The following CACNA2D1 variants were observed in gnomAD, a reference collection of about 807,000 sequenced individuals.
CACNA2D1 encodes the protein calcium voltage-gated channel auxiliary subunit alpha2delta 1, also known as voltage-dependent calcium channel subunit alpha-2/delta-1.
Under a neutral mutation model 171.5 loss-of-function variants are expected in CACNA2D1, and 53 were observed. That is an observed-to-expected ratio of 0.31 (90% confidence interval 0.25 to 0.39). CACNA2D1 has a LOEUF of 0.39. Ranked by LOEUF, CACNA2D1 falls within the 10% of genes least tolerant of loss-of-function variation. CACNA2D1 has a pLI of 1.00. For synonymous variants in CACNA2D1, 442 were observed against 443.1 expected (o/e 1.00, Z 0.03); for missense variants, 903 against 1,299.8 (o/e 0.69, Z 4.69).
intron 36 of CACNA2D1, among the ~76,000 whole-genome samples, chr7:81,961,410 TCA>T (rs1209904306): frequency 6.6e-6 from 1 of 151,938 alleles, no homozygotes. Flanking sequence ...GTTCTTCAAG[TCA>T]GAGAAGACTA....
At chr7:82,145,346 T>C (rs1221482835) in intron 4 of CACNA2D1, among the ~76,000 whole-genome samples, 2 of 144,910 alleles carry the variant, frequency 1.4e-5, no homozygotes, top group Non-Finnish European at 3.0e-5. Flanking sequence ...TAATATATAA[T>C]TTATATATTA....
At position 81,962,533 on chromosome 7, in the gene CACNA2D1, GA is replaced by G. The variant is rs746508592; in HGVS notation, c.2781-39del. Reference sequence around the variant, plus strand: ...AATAAAAAAAAAATAAACATCTAGGGAAAAAATGTGTTTTTACATGTACCCA... The same window carrying G: ...AATAAAAAAAAAATAAACATCTAGGGAAAAATGTGTTTTTACATGTACCCA... On this transcript the variant is annotated intron_variant, in intron 34 of 38. Coordinates refer to ENST00000356860, the MANE Select transcript of CACNA2D1 (RefSeq NM_000722.4). 1.7e-5 allele frequency: 23 copies of G among 1,346,600 alleles called. No individual in the cohort carries two copies. In the South Asian group the frequency reaches 2.8e-4, roughly 16 times the overall value. 83.4% of individuals were successfully genotyped at this position (1,346,600 alleles called of 1,614,324 possible).
At chr7:82,048,385 G>A (rs1488530445) in intron 10 of CACNA2D1, among the ~76,000 whole-genome samples, 1 of 152,032 alleles carries the variant, frequency 6.6e-6, no homozygotes, top group Non-Finnish European at 1.5e-5. Flanking sequence ...CATTACAAAG[G>A]TGAATTAGTT....
At chr7:82,421,831 G>C (rs1006201625) in intron 1 of CACNA2D1, among the ~76,000 whole-genome samples, 1 of 152,128 alleles carries the variant, frequency 6.6e-6, no homozygotes, top group African/African-American at 2.4e-5. Context: ...CTTATTTCAG[G>C]ACTATCTGAA....
chr7:82,408,242 C>T (rs200494442), intron 1 of CACNA2D1, among the ~76,000 whole-genome samples: 1 of 152,016 alleles, frequency 6.6e-6, no homozygotes, highest in South Asian at 2.1e-4. Context: ...AGGTTGGTCT[C>T]GAACTCCTGA....
intron 7 of CACNA2D1, among the ~76,000 whole-genome samples, chr7:82,075,187 T>C (rs1291693035): frequency 1.3e-5 from 2 of 150,152 alleles, no homozygotes; most frequent in South Asian, 2.1e-4. Flanking sequence ...CACAGATACA[T>C]GGTATTACAG....
At chr7:82,195,950 G>C (rs190960098) in intron 3 of CACNA2D1, among the ~76,000 whole-genome samples, 54 of 152,178 alleles carry the variant, frequency 3.5e-4, no homozygotes, top group African/African-American at 1.2e-3. Flanking sequence ...AGCTTTTGCA[G>C]TTCTGCAGAA....
intron 4 of CACNA2D1, among the ~76,000 whole-genome samples, chr7:82,142,718 G>A (rs950465423): frequency 3.9e-5 from 6 of 152,098 alleles, no homozygotes; most frequent in Non-Finnish European, 7.4e-5. Flanking sequence ...GTCTGATAAA[G>A]TCACTTTTAC....
At chr7:82,197,693 A>G (rs4732434) in intron 3 of CACNA2D1, among the ~76,000 whole-genome samples, 133,752 of 152,022 alleles carry the variant, frequency 0.88, 59,024 homozygotes, top group East Asian at 1. Flanking sequence ...ACCAGTTTTC[A>G]GAAGAATTAA....
At chr7:81,990,668 G>C (rs1226054418) in intron 21 of CACNA2D1, among the ~76,000 whole-genome samples, 1 of 152,136 alleles carries the variant, frequency 6.6e-6, no homozygotes, top group Non-Finnish European at 1.5e-5. Context: ...GAAGTGTTGA[G>C]CAAGTGTTGA....
At position 81,959,845 on chromosome 7, in the gene CACNA2D1, G is replaced by A. The variant is rs757885918; in HGVS notation, c.2967-16C>T. ...ATGAAAGATTCTGCAAAATAAATATGGTATCATAGAAAATGAGTATCTTTT... is the reference window on the plus strand; with the variant it reads ...ATGAAAGATTCTGCAAAATAAATATAGTATCATAGAAAATGAGTATCTTTT... On this transcript the variant is annotated splice_polypyrimidine_tract_variant and intron_variant, in intron 36 of 38. Transcript: ENST00000356860. The A allele has an allele frequency of 1.2e-6, 2 of 1,608,502 alleles. No homozygotes were observed. Among genetic ancestry groups the A allele is most frequent in the East Asian group, 4.5e-5 (2 of 44,640 alleles).
chr7:82,417,066 A>G (rs1448028178), intron 1 of CACNA2D1, among the ~76,000 whole-genome samples: 4 of 152,246 alleles, frequency 2.6e-5, no homozygotes, highest in Admixed American at 1.3e-4. Flanking sequence ...TACATCTACA[A>G]TCTACATATA....
rs540201658 is a variant in CACNA2D1, at chr7:82,348,193, T to C, written c.177+1375A>G. Among the ~76,000 whole-genome samples the C allele has an allele frequency of 7.2e-5, 11 of 152,266 alleles. No homozygotes were observed. The East Asian group carries it at 2.1e-3, about 29-fold the overall frequency. ...ATCTTTGCTCTCAATTTAAATAGTA[T>C]CTAAATGAAAATTAACAAAGAAGAT... is the stretch of plus-strand genomic sequence containing the variant. On this transcript the variant is annotated intron_variant, in intron 2 of 38. Transcript: ENST00000356860.
At chr7:82,089,393 T>C (rs1036235708) in intron 6 of CACNA2D1, among the ~76,000 whole-genome samples, 1 of 152,192 alleles carries the variant, frequency 6.6e-6, no homozygotes, top group Non-Finnish European at 1.5e-5. Context: ...TTATCCCTGT[T>C]AGAAAATTCG....
intron 18 of CACNA2D1, 123 bp downstream of exon 18, chr7:82,005,300 G>T: frequency 1.4e-6 from 1 of 700,996 alleles, no homozygotes; most frequent in Middle Eastern, 3.6e-4. Context: ...GAAGAGAGAC[G>T]CATTAGAGAC....
chr7:82,053,965 T>C (rs188242857), intron 10 of CACNA2D1, among the ~76,000 whole-genome samples: 1 of 152,204 alleles, frequency 6.6e-6, no homozygotes, highest in Non-Finnish European at 1.5e-5. Context: ...AAGTCTGTAT[T>C]AACCTGGTTC....
At chr7:82,381,610 A>G (rs112805464) in intron 1 of CACNA2D1, among the ~76,000 whole-genome samples, 329 of 152,336 alleles carry the variant, frequency 2.2e-3, no homozygotes, top group Non-Finnish European at 3.6e-3. Flanking sequence ...ACAAAATTCA[A>G]TCCTGCAGTT....
chr7:81,955,904 G>GT (rs1491450073), intron 38 of CACNA2D1, among the ~76,000 whole-genome samples: 2 of 16,582 alleles, frequency 1.2e-4, no homozygotes, highest in Non-Finnish European at 2.5e-4. Context: ...TGTTATTTTG[G>GT]TGGGGGGGGG....
chr7:82,186,251 GAAGA>G lies in CACNA2D1; in HGVS notation c.295-15646_295-15643del, dbSNP rs1313694033. 3.0e-3 allele frequency among the ~76,000 whole-genome samples: 335 copies of G among 111,392 alleles called. 6 individuals carry two copies. Among genetic ancestry groups the G allele is most frequent in the African/African-American group, 9.6e-3 (252 of 26,190 alleles). The allele number at this position is 111,392 out of a possible 152,430, so 73.1% of individuals were successfully genotyped here. On this transcript the variant is annotated intron_variant, in intron 3 of 38. Coordinates refer to ENST00000356860, the MANE Select transcript of CACNA2D1 (RefSeq NM_000722.4). Reference sequence around the variant, plus strand: ...AGAGAGAAGGAAGGAAGGAAGGAAGGAAGAAAGGAAGGAAGGAAGGAAGGAAGGA... The same window carrying G: ...AGAGAGAAGGAAGGAAGGAAGGAAGGAAGGAAGGAAGGAAGGAAGGAAGGA...
Sources: allele counts gnomAD v4.1 joint callset (sites outside exome capture counted in the v4.1 genomes callset), GRCh38; gene constraint gnomAD v4.1.1; transcripts MANE v1.5; gene names NCBI Gene and HGNC (gene_info 2026-07-23, HGNC 2026-07-21).